The following LARGE1 variants were observed in gnomAD, a reference collection of about 807,000 sequenced individuals.
The protein encoded by LARGE1 is xylosyl- and glucuronyltransferase LARGE1.
In LARGE1, 43 loss-of-function variants were observed where a neutral mutation model predicts 87.6. That is an observed-to-expected ratio of 0.49 (90% confidence interval 0.38 to 0.63). The LOEUF (loss-of-function observed/expected upper bound fraction) is 0.63. Ranked by LOEUF, LARGE1 falls within the 30% of genes least tolerant of loss-of-function variation. LARGE1 has a pLI of 0.00. For missense variants in LARGE1, 802 were observed against 1,000.2 expected (o/e 0.80, Z 2.67); for synonymous variants, 434 against 394.6 (o/e 1.10, Z -1.18).
intron 2 of LARGE1, among the ~76,000 whole-genome samples, chr22:33,759,594 T>C (rs2084650023): frequency 6.6e-6 from 1 of 152,336 alleles, no homozygotes; most frequent in South Asian, 2.1e-4. Flanking sequence ...ACTAGTTGTT[T>C]GTACTGTCGT....
intron 9 of LARGE1, among the ~76,000 whole-genome samples, chr22:33,369,114 T>C (rs949025205): frequency 2.0e-5 from 3 of 152,242 alleles, no homozygotes; most frequent in Non-Finnish European, 2.9e-5. Flanking sequence ...TTACCTACAA[T>C]AGAACTTCTT....
intron 6 of LARGE1, among the ~76,000 whole-genome samples, chr22:33,507,169 T>C (rs1189007092): frequency 2.0e-5 from 3 of 152,186 alleles, no homozygotes; most frequent in African/African-American, 7.2e-5. Context: ...AGCAGGCTGA[T>C]GACATGAACA....
At chr22:33,123,593 C>G in the LARGE1 span, among the ~76,000 whole-genome samples, 4 of 152,018 alleles carry the variant, frequency 2.6e-5, no homozygotes. Context: ...CAAAGCATTA[C>G]AAAAGCCAAT....
intron 1 of LARGE1, among the ~76,000 whole-genome samples, chr22:33,848,161 T>C (rs1184946368): frequency 6.6e-6 from 1 of 152,174 alleles, no homozygotes; most frequent in Non-Finnish European, 1.5e-5. Context: ...TTTTGAGTCC[T>C]CCGTATTTCT....
At chr22:33,727,841 G>C (rs239323) in intron 2 of LARGE1, among the ~76,000 whole-genome samples, 46,980 of 152,052 alleles carry the variant, frequency 0.31, 7,977 homozygotes, top group Admixed American at 0.44. Context: ...GGGACTTCCT[G>C]AGGCTTGGAA....
At chr22:33,096,301 A>C in the LARGE1 span, among the ~76,000 whole-genome samples, 1 of 151,598 alleles carries the variant, frequency 6.6e-6, no homozygotes, top group East Asian at 2.0e-4. Context: ...CTGTAATCCC[A>C]GCTACTCTGG....
intron 2 of LARGE1, among the ~76,000 whole-genome samples, chr22:33,730,614 TAAG>T (rs1002340719): frequency 6.6e-6 from 1 of 152,152 alleles, no homozygotes; most frequent in African/African-American, 2.4e-5. Flanking sequence ...TAAAAAGTGG[TAAG>T]GAGAAAAATT....
At chr22:33,339,346 G>A (rs1303610907) in intron 9 of LARGE1, among the ~76,000 whole-genome samples, 2 of 151,766 alleles carry the variant, frequency 1.3e-5, no homozygotes, top group African/African-American at 4.8e-5. Context: ...AGCACAAGGG[G>A]CGGAAAGATA....
rs993555217 is a variant in LARGE1, at chr22:33,283,293, C to A, written c.1786G>T (p.Ala596Ser). The part of the protein sequence containing the change: ...ANTKKAMIVP[A>S]FETLRYRLSF... ...AGCCGGTAGCGCAGTGTCTCGAACG[C>A]GGGGACAATCATTGCTTTCTTGGTG... The change falls in exon 13 of 15, where the codon GCG (alanine) becomes TCG (serine). Residue 596 changes from alanine (A) to serine (S), a missense_variant. By Grantham distance (99) the Ala-to-Ser change is moderately conservative (BLOSUM62 1). Around this residue, in one of 2 missense-constraint regions of LARGE1, gnomAD observed 625 missense variants for 841.9 expected, o/e 0.74. Transcript: ENST00000397394. The A allele has an allele frequency of 6.2e-7, 1 of 1,614,068 alleles. No individual in the cohort carries two copies. The highest frequency in any genetic ancestry group is 1.3e-5 in the African/African-American group (1 of 74,994).
intron 11 of LARGE1, among the ~76,000 whole-genome samples, chr22:33,185,757 G>A (rs1923441191): frequency 6.6e-6 from 1 of 152,030 alleles, no homozygotes; most frequent in Non-Finnish European, 1.5e-5. Flanking sequence ...CCGAAAGTCT[G>A]TTCTTTGAAG....
At chr22:33,742,973 G>A (rs556990257) in intron 2 of LARGE1, among the ~76,000 whole-genome samples, 1 of 152,090 alleles carries the variant, frequency 6.6e-6, no homozygotes, top group East Asian at 1.9e-4. Flanking sequence ...GGATCATGGG[G>A]GCAGATTTCT....
chr22:33,277,969 T>C (rs978754636), intron 13 of LARGE1, among the ~76,000 whole-genome samples: 8 of 152,168 alleles, frequency 5.3e-5, no homozygotes, highest in African/African-American at 1.9e-4. Context: ...CCCTGTCCAA[T>C]GCTCTCCCCT....
At chr22:33,217,295 G>A (rs893095972) in intron 11 of LARGE1, among the ~76,000 whole-genome samples, 4 of 151,162 alleles carry the variant, frequency 2.6e-5, no homozygotes, top group African/African-American at 4.9e-5. Flanking sequence ...CATTGGCATC[G>A]TCTAGGAACT....
intron 6 of LARGE1, among the ~76,000 whole-genome samples, chr22:33,550,170 CACACACATAT>C (rs953653471): frequency 7.6e-5 from 11 of 144,788 alleles, no homozygotes; most frequent in African/African-American, 2.5e-4. Flanking sequence ...CACACACACA[CACACACATAT>C]ATATATATGT....
chr22:33,860,491 G>A (rs1437387218), intron 1 of LARGE1, among the ~76,000 whole-genome samples: 1 of 152,170 alleles, frequency 6.6e-6, no homozygotes, highest in African/African-American at 2.4e-5. Flanking sequence ...GCCTGGAGGG[G>A]CAATCCTAGT....
At chr22:33,613,325 A>C (rs2079494250) in intron 4 of LARGE1, among the ~76,000 whole-genome samples, 1 of 152,206 alleles carries the variant, frequency 6.6e-6, no homozygotes, top group South Asian at 2.1e-4. Flanking sequence ...TGGCACAAGC[A>C]CATGAAAATA....
intron 6 of LARGE1, among the ~76,000 whole-genome samples, chr22:33,522,245 A>T (rs533272053): frequency 6.6e-6 from 1 of 152,342 alleles, no homozygotes; most frequent in South Asian, 2.1e-4. Flanking sequence ...TTACTGAGGA[A>T]GAGCAAGACA....
the LARGE1 span, among the ~76,000 whole-genome samples, chr22:33,114,263 C>G: frequency 1.1e-3 from 170 of 152,276 alleles, no homozygotes; most frequent in African/African-American, 4.0e-3. Context: ...AGTACCTGCT[C>G]TCTCATAGCT....
At chr22:33,413,000 A>C (rs987967997) in intron 7 of LARGE1, among the ~76,000 whole-genome samples, 9 of 152,198 alleles carry the variant, frequency 5.9e-5, no homozygotes, top group Non-Finnish European at 1.0e-4. Flanking sequence ...ACTGGATCCC[A>C]TATTTCCTAA....
Sources: gnomAD v4.1 joint callset for allele counts (sites outside exome capture counted in the v4.1 genomes callset) on GRCh38, gnomAD v4.1.1 for gene constraint, gnomAD v4.1.1 regional missense constraint, MANE v1.5 for transcripts, NCBI Gene and HGNC (gene_info 2026-07-23, HGNC 2026-07-21) for gene names.